The following SBNO2 variants were observed in gnomAD, a reference collection of about 807,000 sequenced individuals.
SBNO2 encodes the protein strawberry notch homolog 2, also known as protein strawberry notch homolog 2.
Under a neutral mutation model 146.3 loss-of-function variants are expected in SBNO2, and 89 were observed. That is an observed-to-expected ratio of 0.61 (90% CI 0.51 to 0.73). The LOEUF is 0.73. SBNO2 is among the 30% of genes least tolerant of loss of function. The pLI is 0.00. For missense variants in SBNO2, 2,092 were observed against 2,003.7 expected (o/e 1.04, Z -0.84); for synonymous variants, 1,147 against 892.6 (o/e 1.29, Z -5.08).
chr19:1,171,667 G>T lies in SBNO2; in HGVS notation c.-127+2505C>A, dbSNP rs544200680. On this transcript the variant is annotated intron_variant, in intron 1 of 31. Coordinates refer to ENST00000361757, the MANE Select transcript of SBNO2 (RefSeq NM_014963.3). Reference sequence around the variant, plus strand: ...CGTTTCCGCATGGGCCCTGCCGGAGGGGCATCCGTGACTCCGCTGGAGCCG... The same window carrying T: ...CGTTTCCGCATGGGCCCTGCCGGAGTGGCATCCGTGACTCCGCTGGAGCCG... 2.2e-4 allele frequency among the ~76,000 whole-genome samples: 34 copies of T among 152,298 alleles called. 1 individual carries two copies. The South Asian group carries it at 6.4e-3, about 29-fold the overall frequency.
chr19:1,118,350 A>G (rs1175866344), intron 14 of SBNO2, among the ~76,000 whole-genome samples: 1 of 152,162 alleles, frequency 6.6e-6, no homozygotes, highest in African/African-American at 2.4e-5. Flanking sequence ...AAAAAATAAA[A>G]AAAAAAAACC....
chr19:1,139,483 C>T (rs1211326010), intron 4 of SBNO2, among the ~76,000 whole-genome samples: 1 of 151,646 alleles, frequency 6.6e-6, no homozygotes, highest in Admixed American at 6.6e-5. Flanking sequence ...TTTTCTGTCA[C>T]GTGAATTGAG....
intron 7 of SBNO2, 85 bp downstream of exon 7, chr19:1,123,449 G>C (rs2079928530): frequency 8.9e-7 from 1 of 1,118,484 alleles, no homozygotes; most frequent in South Asian, 1.3e-5. Flanking sequence ...TCTGTGGGCT[G>C]TGCGGGCGGT....
chr19:1,143,690 G>A (rs939738823), intron 4 of SBNO2, among the ~76,000 whole-genome samples: 1 of 152,044 alleles, frequency 6.6e-6, no homozygotes, highest in Non-Finnish European at 1.5e-5. Context: ...GGCTCTTCCC[G>A]TCTCTCTCTG....
At position 1,109,611 on chromosome 19, in the gene SBNO2, G is replaced by A; in HGVS notation, c.3124-13C>T. 6.4e-7 allele frequency: 1 copy of A among 1,563,854 alleles called. No individual in the cohort carries two copies. The highest frequency in any genetic ancestry group is 1.3e-5 in the African/African-American group (1 of 74,096). On this transcript the variant is annotated splice_polypyrimidine_tract_variant and intron_variant, in intron 27 of 31. Transcript: ENST00000361757. The surrounding 1 kb of genome is among the most constrained non-coding windows in gnomAD (Gnocchi z 4.2). ...GGTCCACGCTGATCTGCCACGGCAC[G>A]GGGTGGGGGGGTGTGAGTGTGGTGG...
At chr19:1,124,492 A>C (rs2145231214) in intron 5 of SBNO2, among the ~76,000 whole-genome samples, 1 of 150,952 alleles carries the variant, frequency 6.6e-6, no homozygotes, top group East Asian at 2.0e-4. Context: ...AAGAGGAGAC[A>C]GAGGCAGTGG....
rs1599882730 is a variant in SBNO2 at position 1,164,422 on chromosome 19, G to A, written c.-127+9750C>T. 1.9e-4 allele frequency among the ~76,000 whole-genome samples: 19 copies of A among 98,086 alleles called. 1 individual carries two copies. Among genetic ancestry groups the A allele is most frequent in the East Asian group, 4.3e-4 (1 of 2,334 alleles). 64.3% of individuals were successfully genotyped at this position (98,086 alleles called of 152,430 possible). A position where few individuals can be genotyped will look rare whatever the true frequency, so the allele number is the denominator to read the frequency against. On this transcript the variant is annotated intron_variant, in intron 1 of 31. Transcript: ENST00000361757. ...AGGAGGAGGAGGAGGAGGAGGAACA[G>A]GAGGAGGAGGAGGAGGAGGAGGAGG...
At chr19:1,166,155 CAGACTT>C (rs1402228634) in intron 1 of SBNO2, among the ~76,000 whole-genome samples, 39 of 150,348 alleles carry the variant, frequency 2.6e-4, no homozygotes, top group African/African-American at 9.3e-4. Context: ...CCCCAGATCC[CAGACTT>C]CAGATCCCCA....
chr19:1,111,548 C>T lies in SBNO2; in HGVS notation c.2767G>A (p.Val923Met), dbSNP rs748673754. 6.3e-7 allele frequency: 1 copy of T among 1,596,288 alleles called. No individual in the cohort carries two copies. The highest frequency in any genetic ancestry group is 1.7e-5 in the Admixed American group (1 of 57,678). ...ACCCCTCCAGGGTATCCCTGGGGCA[C>T]AGGCACTTTGTTCTCAGTCTGGCTC... ...ILSQTENKVP[V>M]PQGYPGGVPT... Residue 923 changes from valine to methionine, a missense_variant, in exon 24 of 32, where the codon GTG (valine) becomes ATG (methionine). Val to Met is a conservative substitution (Grantham distance 21, BLOSUM62 1). Transcript: ENST00000361757.
chr19:1,155,319 T>C (rs936224626), intron 1 of SBNO2, among the ~76,000 whole-genome samples: 2 of 152,152 alleles, frequency 1.3e-5, no homozygotes, highest in Admixed American at 1.3e-4. Flanking sequence ...CCAGAGACAG[T>C]GGCCGGGCAA....
At chr19:1,166,111 TCAGACCCCAGATCCCAGACTTCAGATCCC>T (rs1289965096) in intron 1 of SBNO2, among the ~76,000 whole-genome samples, 11,056 of 58,994 alleles carry the variant, frequency 0.19, 837 homozygotes, top group Non-Finnish European at 0.2. Context: ...ACCCCAGATC[TCAGACCCCAGATCCCAGACTTCAGATCCC>T]CAGACCCCAG....
Position 1,108,169 on chromosome 19 carries a change from T to C in SBNO2, c.*51A>G, listed in dbSNP as rs2079694751. 13 of 1,482,036 alleles carry C rather than the reference T, an allele frequency of 8.8e-6. No homozygotes were observed. The highest frequency in any genetic ancestry group is 1.2e-5 in the Non-Finnish European group (13 of 1,108,646). The allele number at this position is 1,482,036 out of a possible 1,614,324, so 91.8% of individuals were successfully genotyped here. On this transcript the variant is annotated 3_prime_UTR_variant, in exon 32 of 32. Transcript: ENST00000361757. ...TGGCCCTGCTCCCCACCGCTGCTCCTAGGGGAGAAACGGTCCCTGTGTCTT... is the reference window on the plus strand; with the variant it reads ...TGGCCCTGCTCCCCACCGCTGCTCCCAGGGGAGAAACGGTCCCTGTGTCTT...
chr19:1,163,320 C>A (rs993368931), intron 1 of SBNO2, among the ~76,000 whole-genome samples: 1 of 152,206 alleles, frequency 6.6e-6, no homozygotes, highest in Non-Finnish European at 1.5e-5. Flanking sequence ...GCTGGAGTGA[C>A]GCGGCCGCAG....
chr19:1,117,836 T>C (rs543964588), intron 14 of SBNO2, among the ~76,000 whole-genome samples: 1 of 152,338 alleles, frequency 6.6e-6, no homozygotes, highest in South Asian at 2.1e-4. Flanking sequence ...TGTGATCCTG[T>C]CCAGGGGACA....
Position 1,116,843 on chromosome 19 carries a change from G to C in SBNO2, c.1788C>G (p.Phe596Leu). 6.3e-7 allele frequency: 1 copy of C among 1,590,216 alleles called. No homozygotes were observed. The highest frequency in any genetic ancestry group is 8.5e-7 in the Non-Finnish European group (1 of 1,169,958). ...GTGACACTTACTCAGCGGCCGAGAC[G>C]AAGCAGTTGAGGTGCCCATCGTTCT... is the stretch of plus-strand genomic sequence containing the variant. ...LGENDGHLNC[F>L]VSAAEGVFLS... The change falls in exon 16 of 32, where the codon TTC becomes TTG. Residue 596 changes from phenylalanine (F) to leucine (L), a missense_variant. Coordinates refer to ENST00000361757, the MANE Select transcript of SBNO2 (RefSeq NM_014963.3).
rs543349791 is a variant in SBNO2, at chr19:1,109,413, T to C, written c.3227A>G (p.Asn1076Ser). The C allele has an allele frequency of 1.3e-6, 2 of 1,565,990 alleles. No individual in the cohort carries two copies. Among genetic ancestry groups the C allele is most frequent in the African/African-American group, 2.7e-5 (2 of 73,846 alleles). ...GFYLSYKVRG[N>S]KPSCLLAEQN... is the part of the protein sequence containing the mutation. Reference sequence around the variant, plus strand: ...CTCCGCCAGCAGGCAGCTGGGCTTGTTACCGCGGACCTGCGGAGGGGGGCG... The same window carrying C: ...CTCCGCCAGCAGGCAGCTGGGCTTGCTACCGCGGACCTGCGGAGGGGGGCG... Residue 1076 changes from asparagine to serine, a missense_variant, in exon 29 of 32, where the codon AAC (asparagine) becomes AGC (serine). Asn to Ser is a conservative substitution (Grantham distance 46). Transcript: ENST00000361757. The surrounding 1 kb of genome is among the most constrained non-coding windows in gnomAD (Gnocchi z 4.2).
chr19:1,149,507 C>A, intron 2 of SBNO2, 65 bp from the exon 3 acceptor site: 1 of 1,456,274 alleles, frequency 6.9e-7, no homozygotes, highest in East Asian at 2.5e-5. Flanking sequence ...CCGGCTAAGC[C>A]CTCCGGGCAG....
chr19:1,121,834 G>A (rs1382486249), intron 11 of SBNO2, among the ~76,000 whole-genome samples: 3 of 152,172 alleles, frequency 2.0e-5, no homozygotes, highest in Non-Finnish European at 4.4e-5. Context: ...AACCAAGCCG[G>A]AGCCCTGTGG....
chr19:1,146,839 T>G (rs927976319), intron 4 of SBNO2, among the ~76,000 whole-genome samples: 4 of 145,728 alleles, frequency 2.7e-5, no homozygotes, highest in South Asian at 5.0e-4. Flanking sequence ...GATGCCGCAG[T>G]GGGAGGCTGG....
Sources: allele counts gnomAD v4.1 joint callset (sites outside exome capture counted in the v4.1 genomes callset), GRCh38; gene constraint gnomAD v4.1.1; non-coding constraint Gnocchi (gnomAD v3.1); transcripts MANE v1.5; gene names NCBI Gene and HGNC (gene_info 2026-07-23, HGNC 2026-07-21).